NOC3L: variants seen among roughly 807,000 people sequenced by gnomAD.
NOC3L encodes nucleolar complex protein 3 homolog.
A neutral mutation model predicts 102.5 loss-of-function variants in NOC3L; 85 were observed. The ratio of observed to expected loss-of-function variants is 0.83; its 90% CI spans 0.70 to 0.99. The LOEUF (loss-of-function observed/expected upper bound fraction) is 0.99. NOC3L is among the 50% of genes least tolerant of loss of function. The pLI, the probability that NOC3L is intolerant of heterozygous loss-of-function variation, is 0.00. For synonymous variants in NOC3L, 303 were observed against 309.4 expected (o/e 0.98, Z 0.22); for missense variants, 878 against 914.9 (o/e 0.96, Z 0.52).
chr10:94,326,144 G>A, the NOC3L span, among the ~76,000 whole-genome samples: 13 of 152,154 alleles, frequency 8.5e-5, no homozygotes, highest in Non-Finnish European at 1.5e-4. Context: ...CCTGTTCCAT[G>A]GTAGTTCACA....
chr10:94,325,131 G>C, the NOC3L span: 1 of 1,492,846 alleles, frequency 6.7e-7, no homozygotes, highest in Non-Finnish European at 9.3e-7. Context: ...CACCATCCTG[G>C]AACAGGGCTT....
the NOC3L span, among the ~76,000 whole-genome samples, chr10:94,324,049 C>A: frequency 6.6e-6 from 1 of 152,158 alleles, no homozygotes; most frequent in Non-Finnish European, 1.5e-5. Context: ...TTTATTGTTA[C>A]TATTATAGCT....
intron 14 of NOC3L, 107 bp downstream of exon 14, chr10:94,341,566 C>T (rs1589567137): frequency 2.0e-6 from 1 of 490,180 alleles, no homozygotes; most frequent in Non-Finnish European, 3.5e-6. Context: ...AACTGTACAT[C>T]TAAAAGGGGT....
chr10:94,361,579 G>T, intron 2 of NOC3L, 86 bp downstream of exon 2: 2 of 1,302,260 alleles, frequency 1.5e-6, no homozygotes, highest in Non-Finnish European at 2.2e-6. Flanking sequence ...CAAGAAAAGC[G>T]ATTACTAGAA....
At chr10:94,334,842 A>C in intron 19 of NOC3L, 124 bp from the exon 20 acceptor site, 1 of 685,800 alleles carries the variant, frequency 1.5e-6, no homozygotes, top group Non-Finnish European at 2.5e-6. Context: ...TTTGAAACTA[A>C]CCAACCAATC....
chr10:94,345,636 T>C (rs1380808668), intron 11 of NOC3L, among the ~76,000 whole-genome samples: 1 of 152,170 alleles, frequency 6.6e-6, no homozygotes, highest in Non-Finnish European at 1.5e-5. Flanking sequence ...CTATCCAACC[T>C]GCATTAGGAT....
downstream of NOC3L, chr10:94,332,493 A>ATATGTGTGTGCCTGTGTGTGTGTG (rs2054170980): frequency 1.5e-5 from 2 of 135,926 alleles, no homozygotes; most frequent in Admixed American, 1.6e-4. Flanking sequence ...TAGCCTCAGG[A>ATATGTGTGTGCCTGTGTGTGTGTG]TATGTGTGTG....
Position 94,349,253 on chromosome 10 carries a change from T to A in NOC3L, c.1254A>T (p.Pro418=). 6.4e-7 allele frequency: 1 copy of A among 1,565,624 alleles called. No homozygotes were observed. The highest frequency in any genetic ancestry group is 2.2e-5 in the Admixed American group (1 of 45,228). ...AAGTAAAAAAAAAAAGGCTCACCTC[T>A]GGCCTAACTTCGTAATTTCTGCCCT... ...FVKGRNYEVR[P]EMLKTFLCLR... is the part of the protein sequence containing the mutation. The change falls in exon 10 of 21, where the codon CCA becomes CCT. Residue 418 remains proline (P), a synonymous_variant. Transcript: ENST00000371361.
Position 94,361,743 on chromosome 10 carries a change from T to G in NOC3L, c.139A>C (p.Arg47=). The change falls in exon 2 of 21, where the codon AGG becomes CGG. Residue 47 remains arginine, a synonymous_variant. Transcript: ENST00000371361. The part of the protein sequence containing the change: ...STLKKYRKEQ[R]KLRQAVKDAV... ...TCTTTCACAGCTTGCCTTAGTTTCC[T>G]CTGTTCTTTTCGGTACTTCTTGAGA... The G allele has an allele frequency of 1.2e-6, 2 of 1,613,988 alleles. No individual in the cohort carries two copies. Among genetic ancestry groups the G allele is most frequent in the Non-Finnish European group, 1.7e-6 (2 of 1,179,924 alleles).
At chr10:94,337,439 C>T (rs752754477) in intron 19 of NOC3L, among the ~76,000 whole-genome samples, 1 of 151,826 alleles carries the variant, frequency 6.6e-6, no homozygotes, top group Non-Finnish European at 1.5e-5. Context: ...ACATGAAGCA[C>T]CTATAGCCAT....
chr10:94,338,794 G>C, intron 17 of NOC3L, 58 bp from the exon 18 acceptor site: 2 of 1,486,290 alleles, frequency 1.3e-6, no homozygotes, highest in Non-Finnish European at 1.8e-6. Context: ...TATAAGAGGT[G>C]TTACTGGTTT....
intron 14 of NOC3L, among the ~76,000 whole-genome samples, chr10:94,340,980 CAAAA>C (rs71485908): frequency 1.2e-4 from 8 of 67,836 alleles, no homozygotes; most frequent in African/African-American, 3.3e-4. Flanking sequence ...GACTCCCTCT[CAAAA>C]AAAAAAAAAA....
At chr10:94,349,527 ACT>A (rs1382370849) in intron 9 of NOC3L, 149 bp from the exon 10 acceptor site, 10 of 575,104 alleles carry the variant, frequency 1.7e-5, no homozygotes, top group Non-Finnish European at 2.6e-5. Flanking sequence ...AGTAGTTAAG[ACT>A]CTATCGCCAC....
chr10:94,340,359 CAACA>C lies in NOC3L; in HGVS notation c.1709-16_1709-13del, dbSNP rs1564910013. On this transcript the variant is annotated splice_polypyrimidine_tract_variant and intron_variant, in intron 15 of 20. Coordinates refer to ENST00000371361, the MANE Select transcript of NOC3L (RefSeq NM_022451.11). ...ATTCAGAACATCACCTTTGAAATGA[CAACA>C]AACACCAATTAGGTATGTTATAGCA... The C allele has an allele frequency of 1.2e-6, 2 of 1,612,330 alleles. No homozygotes were observed. The highest frequency in any genetic ancestry group is 1.7e-6 in the Non-Finnish European group (2 of 1,179,078).
intron 6 of NOC3L, among the ~76,000 whole-genome samples, chr10:94,353,331 C>T (rs556662729): frequency 6.6e-6 from 1 of 152,354 alleles, no homozygotes; most frequent in South Asian, 2.1e-4. Flanking sequence ...GCTTATAGTT[C>T]TGCAGGCTGT....
intron 11 of NOC3L, among the ~76,000 whole-genome samples, chr10:94,345,683 T>C (rs931810703): frequency 6.6e-6 from 1 of 152,200 alleles, no homozygotes; most frequent in Non-Finnish European, 1.5e-5. Context: ...TATCTTCTTT[T>C]GTTCACAATT....
chr10:94,350,220 C>T lies in NOC3L; in HGVS notation c.1021G>A (p.Val341Ile), dbSNP rs770266739. The change falls in exon 9 of 21, where the codon GTC (valine) becomes ATC (isoleucine). Residue 341 changes from valine to isoleucine, a missense_variant. Physicochemically the swap from Val to Ile is conservative, Grantham distance 29. Coordinates refer to ENST00000371361, the MANE Select transcript of NOC3L (RefSeq NM_022451.11). ...AGCTCACACAAGCTCTTCACAGCGA[C>T]TTCTGCCAGTCCTTTGTATGCCTTT... ...SLKAYKGLAE[V>I]AVKSLCELLV... 9 of 1,614,074 alleles carry T rather than the reference C, an allele frequency of 5.6e-6. No homozygotes were observed. Among genetic ancestry groups the T allele is most frequent in the Non-Finnish European group, 5.9e-6 (7 of 1,180,020 alleles).
the NOC3L span, chr10:94,325,432 C>A: frequency 3.6e-6 from 1 of 273,984 alleles, no homozygotes; most frequent in Non-Finnish European, 7.1e-6. Context: ...CCCGTCTCTA[C>A]TAAAAATACA....
downstream of NOC3L, chr10:94,328,653 TTGGGG>T (rs2133958951): frequency 6.6e-6 from 1 of 152,364 alleles, no homozygotes; most frequent in East Asian, 1.9e-4. Flanking sequence ...ATTAGAAGCT[TTGGGG>T]CATTTCAAGT....
Sources: allele counts gnomAD v4.1 joint callset (sites outside exome capture counted in the v4.1 genomes callset), GRCh38; gene constraint gnomAD v4.1.1; transcripts MANE v1.5; gene names NCBI Gene and HGNC (gene_info 2026-07-23, HGNC 2026-07-21).